The following FAF1 variants were observed in gnomAD, a reference collection of about 807,000 sequenced individuals.
FAF1 encodes the protein Fas associated factor 1, also known as FAS-associated factor 1.
A neutral mutation model predicts 92.5 loss-of-function variants in FAF1; 25 were observed. That is an observed-to-expected ratio of 0.27 (90% confidence interval 0.20 to 0.38). The LOEUF is 0.38. Ranked by LOEUF, FAF1 falls within the 10% of genes least tolerant of loss-of-function variation. The pLI, the probability that FAF1 is intolerant of heterozygous loss-of-function variation, is 1.00. For missense variants in FAF1, 636 were observed against 793.3 expected (o/e 0.80, Z 2.38); for synonymous variants, 234 against 273.2 (o/e 0.86, Z 1.42).
intron 2 of FAF1, among the ~76,000 whole-genome samples, chr1:50,817,306 G>A (rs34726026): frequency 0.066 from 10,056 of 152,202 alleles, 465 homozygotes; most frequent in Non-Finnish European, 0.1. Context: ...ATTATTCAGC[G>A]TTAAAAAGGA....
chr1:50,542,777 T>C (rs1409972031), intron 13 of FAF1, among the ~76,000 whole-genome samples: 3 of 152,032 alleles, frequency 2.0e-5, no homozygotes, highest in Non-Finnish European at 2.9e-5. Context: ...TCATAGAACA[T>C]TTGAGGAGGG....
intron 8 of FAF1, among the ~76,000 whole-genome samples, chr1:50,610,027 T>G (rs1486472611): frequency 1.3e-5 from 2 of 152,168 alleles, no homozygotes; most frequent in Admixed American, 6.6e-5. Flanking sequence ...TGAATTAGTT[T>G]GCTAAATAAA....
At chr1:50,616,848 TTTTTGTA>T (rs1400779488) in intron 8 of FAF1, among the ~76,000 whole-genome samples, 2 of 152,100 alleles carry the variant, frequency 1.3e-5, no homozygotes, top group Non-Finnish European at 2.9e-5. Context: ...GCCCAGCTAA[TTTTTGTA>T]TTTTTAGTAG....
At chr1:50,738,411 T>A (rs1659225404) in intron 6 of FAF1, among the ~76,000 whole-genome samples, 1 of 131,118 alleles carries the variant, frequency 7.6e-6, no homozygotes, top group East Asian at 2.2e-4. Context: ...CCATTGCACC[T>A]CAGTCTGGGC....
intron 2 of FAF1, among the ~76,000 whole-genome samples, chr1:50,810,261 T>A (rs965301711): frequency 6.6e-6 from 1 of 151,494 alleles, no homozygotes; most frequent in African/African-American, 2.4e-5. Context: ...GTCTCAAAAC[T>A]AAAAAAATTA....
chr1:50,817,357 A>G (rs1643988826), intron 2 of FAF1, among the ~76,000 whole-genome samples: 4 of 152,250 alleles, frequency 2.6e-5, no homozygotes, highest in Admixed American at 2.6e-4. Flanking sequence ...ACCCCTGAAG[A>G]TATTATACTA....
chr1:50,693,832 A>G (rs987711434), intron 7 of FAF1, among the ~76,000 whole-genome samples: 2 of 152,054 alleles, frequency 1.3e-5, no homozygotes, highest in Non-Finnish European at 2.9e-5. Context: ...ACCCACATAA[A>G]TGGTTCAATT....
chr1:50,642,382 G>A (rs909525227), intron 8 of FAF1, among the ~76,000 whole-genome samples: 14 of 152,118 alleles, frequency 9.2e-5, no homozygotes, highest in African/African-American at 3.1e-4. Context: ...CAGGCACGGT[G>A]GCTCACACCT....
chr1:50,916,781 T>G (rs1644921839), intron 1 of FAF1, among the ~76,000 whole-genome samples: 1 of 152,152 alleles, frequency 6.6e-6, no homozygotes, highest in Admixed American at 6.5e-5. Flanking sequence ...CTGAGAATAG[T>G]AATTATTAGC....
At chr1:50,876,671 C>T (rs530879611) in intron 1 of FAF1, among the ~76,000 whole-genome samples, 6 of 152,266 alleles carry the variant, frequency 3.9e-5, no homozygotes, top group Admixed American at 1.3e-4. Flanking sequence ...CAGCAACCTC[C>T]GCCTCCCAGG....
At chr1:50,719,164 G>A (rs1292798822) in intron 6 of FAF1, among the ~76,000 whole-genome samples, 1 of 152,142 alleles carries the variant, frequency 6.6e-6, no homozygotes, top group East Asian at 1.9e-4. Flanking sequence ...AAAATAAAAT[G>A]TTAATCTTTC....
At position 50,739,049 on chromosome 1, in the gene FAF1, GT is replaced by G. The variant is rs550189314; in HGVS notation, c.460-96del. The stretch of plus-strand genomic sequence containing the variant: ...TTCTTGAAAAATTGTTAATTTTGTA[GT>G]TTTTTTTATCTTTTGATAATTTCCT... On this transcript the variant is annotated intron_variant, in intron 5 of 18. Transcript: ENST00000396153. 6.1e-4 allele frequency: 483 copies of G among 794,772 alleles called. 3 individuals carry two copies. The highest frequency in any genetic ancestry group is 4.4e-3 in the African/African-American group (249 of 56,262). 49.2% of individuals were successfully genotyped at this position (794,772 alleles called of 1,614,324 possible).
intron 4 of FAF1, among the ~76,000 whole-genome samples, chr1:50,784,278 A>G (rs1661285631): frequency 6.6e-6 from 1 of 152,144 alleles, no homozygotes; most frequent in African/African-American, 2.4e-5. Context: ...ATATGTAGAA[A>G]ACACTAAGGA....
intron 5 of FAF1, among the ~76,000 whole-genome samples, chr1:50,743,404 G>A (rs543596893): frequency 3.3e-4 from 50 of 152,118 alleles, no homozygotes; most frequent in Admixed American, 1.1e-3. Context: ...CTCGGCTCAT[G>A]GCAGCCTCCA....
chr1:50,873,492 G>A (rs1169045349), intron 1 of FAF1, among the ~76,000 whole-genome samples: 1 of 152,146 alleles, frequency 6.6e-6, no homozygotes, highest in Admixed American at 6.5e-5. Context: ...GACACCAGCA[G>A]GACTTACTTC....
chr1:50,760,297 C>G (rs372469503), intron 4 of FAF1, among the ~76,000 whole-genome samples: 6 of 152,092 alleles, frequency 3.9e-5, no homozygotes, highest in Non-Finnish European at 7.4e-5. Flanking sequence ...AAGTCAACAA[C>G]GATACCCAGG....
chr1:50,661,147 G>C (rs1367454981), intron 7 of FAF1, among the ~76,000 whole-genome samples: 1 of 151,914 alleles, frequency 6.6e-6, no homozygotes, highest in Non-Finnish European at 1.5e-5. Flanking sequence ...TTTTGCATGA[G>C]ATTTGGCATT....
chr1:50,940,293 C>A (rs1378846597), intron 1 of FAF1, among the ~76,000 whole-genome samples: 1 of 152,212 alleles, frequency 6.6e-6, no homozygotes, highest in African/African-American at 2.4e-5. Flanking sequence ...AATATCTATC[C>A]AGTCAGCATT....
At chr1:50,875,565 G>T (rs1644564500) in intron 1 of FAF1, among the ~76,000 whole-genome samples, 2 of 152,120 alleles carry the variant, frequency 1.3e-5, no homozygotes, top group South Asian at 4.2e-4. Context: ...CAATTCTCCT[G>T]TCTCAGCCTC....
Sources: gnomAD v4.1 joint callset for allele counts (sites outside exome capture counted in the v4.1 genomes callset) on GRCh38, gnomAD v4.1.1 for gene constraint, MANE v1.5 for transcripts, NCBI Gene and HGNC (gene_info 2026-07-23, HGNC 2026-07-21) for gene names.